TBC1D22A: variants seen among roughly 807,000 people sequenced by gnomAD.
TBC1D22A encodes the protein TBC1 domain family member 22A, also known as putative GTPase activator.
Under a neutral mutation model 60.2 loss-of-function variants are expected in TBC1D22A, and 38 were observed. The observed-to-expected ratio is 0.63, with a 90% CI of 0.49 to 0.83. The LOEUF (loss-of-function observed/expected upper bound fraction) is 0.83, where lower values mean the gene tolerates loss of function less well. Among genes scored for constraint, TBC1D22A ranks in the 40% least tolerant of loss-of-function variants. The pLI is 0.00. For missense variants in TBC1D22A, 628 were observed against 701.0 expected (o/e 0.90, Z 1.18); for synonymous variants, 302 against 281.7 (o/e 1.07, Z -0.72).
At chr22:46,861,317 G>A (rs1309518131) in intron 4 of TBC1D22A, among the ~76,000 whole-genome samples, 1 of 152,170 alleles carries the variant, frequency 6.6e-6, no homozygotes. Flanking sequence ...AATAAAATGT[G>A]TCTCTATTTT....
intron 11 of TBC1D22A, among the ~76,000 whole-genome samples, chr22:47,101,390 T>C (rs1160701784): frequency 6.6e-6 from 1 of 152,218 alleles, no homozygotes; most frequent in African/African-American, 2.4e-5. Flanking sequence ...GGCCGGCCTC[T>C]AGAGCCTGTC....
intron 12 of TBC1D22A, among the ~76,000 whole-genome samples, chr22:47,139,702 C>A (rs778659480): frequency 6.6e-6 from 1 of 152,170 alleles, no homozygotes; most frequent in Admixed American, 6.5e-5. Context: ...GGTGTCCTGG[C>A]CGGGGAGGTT....
chr22:47,133,724 A>G (rs1187494988), intron 12 of TBC1D22A, among the ~76,000 whole-genome samples: 2 of 152,024 alleles, frequency 1.3e-5, no homozygotes, highest in Non-Finnish European at 2.9e-5. Context: ...AGGGCCATGG[A>G]GCTTTGGCGG....
intron 9 of TBC1D22A, among the ~76,000 whole-genome samples, chr22:46,988,719 A>T (rs2074820921): frequency 6.6e-6 from 1 of 152,248 alleles, no homozygotes; most frequent in East Asian, 1.9e-4. Context: ...TTTATAGAGC[A>T]CAGGCAGAGT....
At chr22:47,049,006 G>T (rs2063116797) in intron 11 of TBC1D22A, among the ~76,000 whole-genome samples, 1 of 152,238 alleles carries the variant, frequency 6.6e-6, no homozygotes, top group South Asian at 2.1e-4. Context: ...GCTTTCAGGA[G>T]CTTGGCCTCC....
chr22:46,765,612 C>G (rs1251382904), intron 1 of TBC1D22A, among the ~76,000 whole-genome samples: 1 of 151,362 alleles, frequency 6.6e-6, no homozygotes, highest in Non-Finnish European at 1.5e-5. Context: ...ATTACAGGCG[C>G]CCACCAGCAC....
intron 4 of TBC1D22A, among the ~76,000 whole-genome samples, chr22:46,874,614 C>G (rs1184604296): frequency 7.8e-6 from 1 of 129,002 alleles, no homozygotes. Context: ...TTACTCTGCA[C>G]CCAGGCTGGA....
At chr22:46,973,421 C>T (rs1234876020) in intron 8 of TBC1D22A, among the ~76,000 whole-genome samples, 3 of 152,200 alleles carry the variant, frequency 2.0e-5, no homozygotes, top group African/African-American at 4.8e-5. Context: ...CAGCAGACCC[C>T]GGTCAACACC....
intron 11 of TBC1D22A, among the ~76,000 whole-genome samples, chr22:47,072,397 G>A (rs1007891426): frequency 2.4e-4 from 37 of 152,208 alleles, no homozygotes; most frequent in African/African-American, 8.2e-4. Flanking sequence ...GCTTCTGGTC[G>A]CAGCCTCCTT....
chr22:47,145,968 G>A (rs1340454923), intron 12 of TBC1D22A, among the ~76,000 whole-genome samples: 1 of 151,360 alleles, frequency 6.6e-6, no homozygotes, highest in Non-Finnish European at 1.5e-5. Flanking sequence ...GCGGCACGGG[G>A]ATGCACTGGA....
At chr22:46,784,745 A>G (rs1342783796) in intron 1 of TBC1D22A, among the ~76,000 whole-genome samples, 2 of 152,276 alleles carry the variant, frequency 1.3e-5, no homozygotes, top group Admixed American at 6.5e-5. Flanking sequence ...AATGATAGGA[A>G]GAATGTAAAC....
chr22:46,950,750 TAG>T (rs1370723721), intron 8 of TBC1D22A, among the ~76,000 whole-genome samples: 2 of 152,038 alleles, frequency 1.3e-5, no homozygotes, highest in East Asian at 3.9e-4. Flanking sequence ...TCTGAAGAGG[TAG>T]AGAGAGCGCC....
chr22:47,087,847 G>A (rs911319276), intron 11 of TBC1D22A, among the ~76,000 whole-genome samples: 2 of 151,610 alleles, frequency 1.3e-5, no homozygotes, highest in Non-Finnish European at 1.5e-5. Context: ...AGGCTGAGGC[G>A]GGCGGATCAC....
intron 4 of TBC1D22A, among the ~76,000 whole-genome samples, chr22:46,833,728 A>C (rs1351500499): frequency 6.6e-6 from 1 of 152,248 alleles, no homozygotes; most frequent in Non-Finnish European, 1.5e-5. Context: ...ATTCCAGAAG[A>C]AGCAATGGAG....
intron 4 of TBC1D22A, among the ~76,000 whole-genome samples, chr22:46,849,240 G>A (rs555235049): frequency 1.2e-4 from 19 of 152,260 alleles, no homozygotes; most frequent in Middle Eastern, 3.4e-3. Context: ...GGATGCCTCC[G>A]TCCAAGTGGG....
At position 47,015,711 on chromosome 22, in the gene TBC1D22A, G is replaced by A. The variant is rs570992401; in HGVS notation, c.1201+18002G>A. Among the ~76,000 whole-genome samples the A allele has an allele frequency of 1.7e-4, 26 of 152,354 alleles. No homozygotes were observed. The South Asian group carries it at 5.2e-3, about 30-fold the overall frequency. ...CATCCAAGAGGCAGACCTGCAGGAT[G>A]AGAGATCCAACATCCCTGGCCACCA... On this transcript the variant is annotated intron_variant, in intron 10 of 12. Coordinates refer to ENST00000337137, the MANE Select transcript of TBC1D22A (RefSeq NM_014346.5).
intron 4 of TBC1D22A, among the ~76,000 whole-genome samples, chr22:46,859,038 C>CCG (rs2087733975): frequency 7.8e-6 from 1 of 128,160 alleles, no homozygotes; most frequent in African/African-American, 2.9e-5. Flanking sequence ...CCGCGCAGTG[C>CCG]TGTGCCCCTT....
At chr22:46,899,219 A>G (rs1250921684) in intron 7 of TBC1D22A, among the ~76,000 whole-genome samples, 1 of 151,996 alleles carries the variant, frequency 6.6e-6, no homozygotes, top group Non-Finnish European at 1.5e-5. Flanking sequence ...GGCCAAAGCA[A>G]GCAGATCAGC....
At chr22:46,825,337 C>G (rs1478251489) in intron 4 of TBC1D22A, among the ~76,000 whole-genome samples, 2 of 152,150 alleles carry the variant, frequency 1.3e-5, no homozygotes, top group African/African-American at 4.8e-5. Flanking sequence ...GCCCAGCTCC[C>G]CTCACCAGCA....
Sources: gnomAD v4.1 joint callset for allele counts (sites outside exome capture counted in the v4.1 genomes callset) on GRCh38, gnomAD v4.1.1 for gene constraint, MANE v1.5 for transcripts, NCBI Gene and HGNC (gene_info 2026-07-23, HGNC 2026-07-21) for gene names.